The following SIPA1L1 variants were observed in gnomAD, a reference collection of about 807,000 sequenced individuals.
SIPA1L1 encodes signal induced proliferation associated 1 like 1.
A neutral mutation model predicts 162.7 loss-of-function variants in SIPA1L1; 26 were observed. The ratio of observed to expected loss-of-function variants is 0.16; its 90% CI spans 0.12 to 0.22. The LOEUF (loss-of-function observed/expected upper bound fraction) is 0.22. SIPA1L1 is among the 10% of genes least tolerant of loss of function. The pLI is 1.00. For missense variants in SIPA1L1, 1,874 were observed against 2,241.0 expected (o/e 0.84, Z 3.31); for synonymous variants, 829 against 837.4 (o/e 0.99, Z 0.17).
chr14:71,411,919 C>T (rs1428784988), intron 2 of SIPA1L1, among the ~76,000 whole-genome samples: 1 of 152,196 alleles, frequency 6.6e-6, no homozygotes, highest in African/African-American at 2.4e-5. Context: ...CTGATGGAAT[C>T]TTTCTAAGTG....
intron 15 of SIPA1L1, chr14:71,704,811 A>G: frequency 6.6e-7 from 1 of 1,510,510 alleles, no homozygotes; most frequent in Non-Finnish European, 9.2e-7. Flanking sequence ...TGTCATGGTA[A>G]GTAACACGTG....
chr14:71,505,551 A>G (rs2050595138), intron 2 of SIPA1L1, among the ~76,000 whole-genome samples: 1 of 151,886 alleles, frequency 6.6e-6, no homozygotes, highest in Admixed American at 6.6e-5. Flanking sequence ...AATGCTCCAT[A>G]AATGTATCAC....
At chr14:71,491,306 C>T (rs2049228433) in intron 2 of SIPA1L1, among the ~76,000 whole-genome samples, 1 of 152,084 alleles carries the variant, frequency 6.6e-6, no homozygotes, top group Non-Finnish European at 1.5e-5. Flanking sequence ...ACAGTTGTTC[C>T]TTTTGGTGAT....
chr14:71,499,465 T>G (rs2050034618), intron 2 of SIPA1L1, among the ~76,000 whole-genome samples: 1 of 152,234 alleles, frequency 6.6e-6, no homozygotes, highest in Admixed American at 6.5e-5. Context: ...TTTAAAGTAC[T>G]TTGCTGCTTT....
intron 2 of SIPA1L1, among the ~76,000 whole-genome samples, chr14:71,338,127 A>G (rs2140371097): frequency 6.6e-6 from 1 of 152,148 alleles, no homozygotes; most frequent in South Asian, 2.1e-4. Flanking sequence ...CACCTTCTTC[A>G]TTGATGTCTT....
chr14:71,720,047 T>C (rs942566061), intron 17 of SIPA1L1, among the ~76,000 whole-genome samples: 7 of 152,190 alleles, frequency 4.6e-5, no homozygotes, highest in African/African-American at 1.7e-4. Flanking sequence ...TATTTGCTTC[T>C]TTTTTCTTGC....
intron 2 of SIPA1L1, among the ~76,000 whole-genome samples, chr14:71,480,073 G>GT (rs1051302456): frequency 3.3e-5 from 5 of 149,780 alleles, no homozygotes; most frequent in East Asian, 2.0e-4. Context: ...TTAGACTAGT[G>GT]TTTTTTTTGT....
At chr14:71,403,795 G>A (rs1317719054) in intron 2 of SIPA1L1, among the ~76,000 whole-genome samples, 1 of 152,080 alleles carries the variant, frequency 6.6e-6, no homozygotes, top group Non-Finnish European at 1.5e-5. Flanking sequence ...CAAGCCAGCT[G>A]TGCAGCTTGT....
intron 2 of SIPA1L1, among the ~76,000 whole-genome samples, chr14:71,427,246 T>G (rs955713332): frequency 1.3e-5 from 2 of 152,176 alleles, no homozygotes; most frequent in Non-Finnish European, 1.5e-5. Context: ...CTTTTTTTTT[T>G]GTCTGAGAAT....
chr14:71,689,836 G>A (rs1239871296), intron 13 of SIPA1L1, among the ~76,000 whole-genome samples: 1 of 152,158 alleles, frequency 6.6e-6, no homozygotes, highest in African/African-American at 2.4e-5. Context: ...TGCGTCTGCA[G>A]CCTCCCTCCC....
intron 2 of SIPA1L1, among the ~76,000 whole-genome samples, chr14:71,455,579 CAAT>C (rs1012789013): frequency 6.6e-6 from 1 of 151,990 alleles, no homozygotes; most frequent in Non-Finnish European, 1.5e-5. Context: ...TTTAAGTTAG[CAAT>C]AATAATAATG....
intron 4 of SIPA1L1, chr14:71,586,455 A>G (rs1596285951): frequency 6.6e-6 from 1 of 152,138 alleles, no homozygotes. Context: ...ATTTGTAGAC[A>G]ATGCCGCCCT....
intron 7 of SIPA1L1, among the ~76,000 whole-genome samples, chr14:71,629,392 A>G (rs1191687135): frequency 6.6e-6 from 1 of 152,224 alleles, no homozygotes; most frequent in Non-Finnish European, 1.5e-5. Context: ...TCACAATTAG[A>G]GTCTGTGCAG....
At chr14:71,599,054 C>T (rs931007663) in intron 5 of SIPA1L1, among the ~76,000 whole-genome samples, 1 of 151,780 alleles carries the variant, frequency 6.6e-6, no homozygotes, top group African/African-American at 2.4e-5. Context: ...TGAAAACATG[C>T]AATATTTGTC....
chr14:71,604,783 C>G (rs2037289008), intron 5 of SIPA1L1, among the ~76,000 whole-genome samples: 1 of 151,968 alleles, frequency 6.6e-6, no homozygotes, highest in African/African-American at 2.4e-5. Context: ...ATGGGGGTCC[C>G]TTTATAAGTG....
Position 71,641,280 on chromosome 14 carries a change from TAAAA to T in SIPA1L1, c.1819-9042_1819-9039del, listed in dbSNP as rs764035937. 5.6e-3 allele frequency among the ~76,000 whole-genome samples: 565 copies of T among 100,810 alleles called. 5 individuals are homozygous for T. Among genetic ancestry groups the T allele is most frequent in the Middle Eastern group, 0.012 (2 of 168 alleles). The allele number at this position is 100,810 out of a possible 152,430, so 66.1% of individuals were successfully genotyped here. On this transcript the variant is annotated intron_variant, in intron 7 of 23. Coordinates refer to ENST00000381232, the MANE Select transcript of SIPA1L1 (RefSeq NM_001386936.1). Reference sequence around the variant, plus strand: ...TCTGTCCACCCTAAACAAGATAATCTAAAAAAAAAAAAAAAATCAAATATAGGCT... The same window carrying T: ...TCTGTCCACCCTAAACAAGATAATCTAAAAAAAAAAAATCAAATATAGGCT...
intron 8 of SIPA1L1, 85 bp from the exon 9 acceptor site, chr14:71,658,248 C>CTCTTT (rs1333361381): frequency 2.4e-5 from 17 of 720,840 alleles, no homozygotes; most frequent in Non-Finnish European, 3.5e-5. Flanking sequence ...TTCTTTTCTT[C>CTCTTT]TCTTTTCTTT....
At chr14:71,623,177 G>A (rs1429944678) in intron 6 of SIPA1L1, among the ~76,000 whole-genome samples, 2 of 152,106 alleles carry the variant, frequency 1.3e-5, no homozygotes, top group Non-Finnish European at 2.9e-5. Context: ...AGATTGCAGT[G>A]TGTCTTTCTG....
At chr14:71,392,620 C>T (rs1431844046) in intron 2 of SIPA1L1, among the ~76,000 whole-genome samples, 23 of 152,156 alleles carry the variant, frequency 1.5e-4, no homozygotes, top group African/African-American at 2.9e-4. Context: ...CCCCGCCTTC[C>T]GGCTTCACAC....
Sources: gnomAD v4.1 joint callset for allele counts (sites outside exome capture counted in the v4.1 genomes callset) on GRCh38, gnomAD v4.1.1 for gene constraint, MANE v1.5 for transcripts, NCBI Gene and HGNC (gene_info 2026-07-23, HGNC 2026-07-21) for gene names.